Variants in MTUS1 observed in about 807,000 individuals in gnomAD.
MTUS1 encodes the protein microtubule associated scaffold protein 1.
Under a neutral mutation model 120.8 loss-of-function variants are expected in MTUS1, and 109 were observed. That is an observed-to-expected ratio of 0.90 (90% confidence interval 0.77 to 1.06). The LOEUF (loss-of-function observed/expected upper bound fraction) is 1.06. Ranked by LOEUF, MTUS1 falls within the 50% of genes least tolerant of loss-of-function variation. MTUS1 has a pLI of 0.00. For missense variants in MTUS1, 2,210 were observed against 1,486.3 expected, an observed-to-expected ratio of 1.49 and a Z score of -8.01; for synonymous variants, 737 against 550.5, an observed-to-expected ratio of 1.34 and a Z score of -4.74.
rs377285509 is a variant in MTUS1, at chr8:17,701,779, G to A, written c.2623+11435C>T. The stretch of plus-strand genomic sequence containing the variant: ...TTAGCCAGGATGGTCTCAATCTCCT[G>A]ACCTTGTGATCCACCTGCTTTGGCC... On this transcript the variant is annotated intron_variant, in intron 6 of 14. Transcript: ENST00000693296. Among the ~76,000 whole-genome samples, 4 of 152,096 alleles carry A rather than the reference G, an allele frequency of 2.6e-5. No individual in the cohort carries two copies. In the East Asian group the frequency reaches 7.7e-4, roughly 29 times the overall value.
At chr8:17,666,090 CTTTTTTTTTT>C (rs57062684) in intron 8 of MTUS1, among the ~76,000 whole-genome samples, 1 of 111,102 alleles carries the variant, frequency 9.0e-6, no homozygotes, top group African/African-American at 3.5e-5. Flanking sequence ...AGAACAGATG[CTTTTTTTTTT>C]TTTTTTTTTT....
intron 1 of MTUS1, among the ~76,000 whole-genome samples, chr8:17,768,229 T>C (rs1017731000): frequency 6.6e-6 from 1 of 152,218 alleles, no homozygotes; most frequent in African/African-American, 2.4e-5. Context: ...TAGGAGAGTT[T>C]TATAATGTTC....
At chr8:17,667,203 T>C (rs1563165739) in intron 8 of MTUS1, among the ~76,000 whole-genome samples, 1 of 152,128 alleles carries the variant, frequency 6.6e-6, no homozygotes, top group East Asian at 1.9e-4. Flanking sequence ...CAGATGTGGA[T>C]AGGAAGAGAA....
chr8:17,743,031 A>G (rs941325440), intron 3 of MTUS1, among the ~76,000 whole-genome samples: 1 of 151,146 alleles, frequency 6.6e-6, no homozygotes, highest in Non-Finnish European at 1.5e-5. Flanking sequence ...TACGTCCGCC[A>G]AATTTAGTAT....
intron 8 of MTUS1, among the ~76,000 whole-genome samples, chr8:17,657,139 A>AACTC (rs1401961021): frequency 1.3e-5 from 2 of 151,934 alleles, no homozygotes; most frequent in Non-Finnish European, 2.9e-5. Context: ...TTGTTATTTC[A>AACTC]AAACTAATAA....
intron 1 of MTUS1, among the ~76,000 whole-genome samples, chr8:17,783,669 G>C (rs904399188): frequency 4.6e-5 from 7 of 152,156 alleles, no homozygotes; most frequent in African/African-American, 1.7e-4. Context: ...GACGGTCCTT[G>C]AGTCTGACTT....
At chr8:17,701,867 T>C (rs1819168952) in intron 6 of MTUS1, among the ~76,000 whole-genome samples, 1 of 152,158 alleles carries the variant, frequency 6.6e-6, no homozygotes, top group African/African-American at 2.4e-5. Context: ...CTTTTCAATT[T>C]AAATTACTTA....
intron 1 of MTUS1, among the ~76,000 whole-genome samples, chr8:17,791,306 A>G (rs918095411): frequency 3.9e-5 from 6 of 152,236 alleles, no homozygotes; most frequent in Non-Finnish European, 2.9e-5. Flanking sequence ...GGGAATTAAT[A>G]TTTCACTATG....
chr8:17,650,454 C>T (rs181103029), intron 12 of MTUS1, among the ~76,000 whole-genome samples: 3 of 152,156 alleles, frequency 2.0e-5, no homozygotes, highest in Non-Finnish European at 2.9e-5. Flanking sequence ...TTGACTGGGC[C>T]ATACTTCTAG....
intron 1 of MTUS1, among the ~76,000 whole-genome samples, chr8:17,779,426 A>C (rs1461057521): frequency 6.6e-6 from 1 of 152,206 alleles, no homozygotes; most frequent in Non-Finnish European, 1.5e-5. Flanking sequence ...TATTTCCCTG[A>C]AATGAGGTTG....
intron 1 of MTUS1, chr8:17,758,185 T>A (rs2048768308): frequency 6.6e-6 from 1 of 152,228 alleles, no homozygotes; most frequent in African/African-American, 2.4e-5. Flanking sequence ...GCGTTTTCTC[T>A]GCATTCAAAC....
rs914693044 is a variant in MTUS1, at chr8:17,644,581, G to A, written c.*1345C>T. On this transcript the variant is annotated 3_prime_UTR_variant, in exon 15 of 15. Coordinates refer to ENST00000693296, the MANE Select transcript of MTUS1 (RefSeq NM_001363059.2). ...CACATTTTCCACTCATGGGAAAGAA[G>A]CGGACCATTCTGCTACTTTCCCAAA... 6.6e-6 allele frequency: 1 copy of A among 152,354 alleles called. No homozygotes were observed. Among genetic ancestry groups the A allele is most frequent in the Admixed American group, 6.5e-5 (1 of 15,282 alleles). The allele number at this position is 152,354 out of a possible 1,614,324, so 9.4% of individuals were successfully genotyped here.
At chr8:17,725,475 T>C (rs1325263331) in intron 3 of MTUS1, among the ~76,000 whole-genome samples, 1 of 152,236 alleles carries the variant, frequency 6.6e-6, no homozygotes, top group Non-Finnish European at 1.5e-5. Flanking sequence ...CCAGGGCACA[T>C]CATGTGCTAT....
At chr8:17,760,045 C>G (rs540587382) in intron 1 of MTUS1, among the ~76,000 whole-genome samples, 11 of 146,096 alleles carry the variant, frequency 7.5e-5, no homozygotes, top group African/African-American at 2.7e-4. Flanking sequence ...CCTACCTCTA[C>G]GATTTCTTTT....
At chr8:17,719,492 C>G (rs982326077) in intron 4 of MTUS1, among the ~76,000 whole-genome samples, 2 of 152,176 alleles carry the variant, frequency 1.3e-5, no homozygotes, top group Non-Finnish European at 2.9e-5. Flanking sequence ...AGAACGAGAA[C>G]AAAGTTAACA....
In MTUS1 at chr8:17,792,861, C is replaced by CA. The variant is rs369113755; in HGVS notation, c.-155+8199dup. Among the ~76,000 whole-genome samples the CA allele has an allele frequency of 1.3e-4, 19 of 151,928 alleles. 1 individual carries two copies. Among genetic ancestry groups the CA allele is most frequent in the African/African-American group, 3.9e-4 (16 of 41,364 alleles). ...CCTGTGACACAGCAAGACTCTGTCT[C>CA]AAAAAAAATCTGAAAGCAAAACAAT... On this transcript the variant is annotated intron_variant, in intron 1 of 14. Coordinates refer to ENST00000693296, the MANE Select transcript of MTUS1 (RefSeq NM_001363059.2).
chr8:17,785,470 G>T (rs527440660), intron 1 of MTUS1, among the ~76,000 whole-genome samples: 2 of 152,274 alleles, frequency 1.3e-5, no homozygotes, highest in East Asian at 3.9e-4. Context: ...GACAGCATGG[G>T]GATGTCAGCT....
At chr8:17,758,282 T>C (rs1214895744) in intron 1 of MTUS1, 1 of 152,248 alleles carries the variant, frequency 6.6e-6, no homozygotes, top group African/African-American at 2.4e-5. Flanking sequence ...TGTGTCTTTC[T>C]GGCCAAGCAT....
intron 6 of MTUS1, chr8:17,706,315 C>G (rs137889541): frequency 6.6e-6 from 1 of 152,180 alleles, no homozygotes; most frequent in Non-Finnish European, 1.5e-5. Context: ...AAATTTGAGA[C>G]TTGGAGAGGC....
Sources: gnomAD v4.1 joint callset for allele counts (sites outside exome capture counted in the v4.1 genomes callset) on GRCh38, gnomAD v4.1.1 for gene constraint, MANE v1.5 for transcripts, NCBI Gene and HGNC (gene_info 2026-07-23, HGNC 2026-07-21) for gene names.